Variants in DAB1 observed in about 807,000 individuals in gnomAD.
The protein encoded by DAB1 is disabled homolog 1.
DAB1 carries 15 observed loss-of-function variants against 64.6 expected under a neutral mutation model. The observed-to-expected ratio is 0.23, with a 90% CI of 0.16 to 0.36. The LOEUF (loss-of-function observed/expected upper bound fraction) is 0.36, where lower values mean the gene tolerates loss of function less well. Ranked by LOEUF, DAB1 falls within the 10% of genes least tolerant of loss-of-function variation. DAB1 has a pLI of 1.00. For synonymous variants in DAB1, 235 were observed against 251.9 expected (o/e 0.93, Z 0.64); for missense variants, 596 against 706.7 (o/e 0.84, Z 1.78).
chr1:57,355,181 T>G (rs890847913), intron 1 of DAB1, among the ~76,000 whole-genome samples: 1 of 152,034 alleles, frequency 6.6e-6, no homozygotes, highest in Non-Finnish European at 1.5e-5. Context: ...TTCCTTCTCT[T>G]TTTTCCTTTT....
chr1:57,723,905 A>C (rs1332317213), intron 6 of DAB1, among the ~76,000 whole-genome samples: 1 of 152,214 alleles, frequency 6.6e-6, no homozygotes, highest in Non-Finnish European at 1.5e-5. Flanking sequence ...TATTTCAGCT[A>C]GTAGCATTTC....
At chr1:58,026,998 C>G (rs1164366054) in intron 5 of DAB1, among the ~76,000 whole-genome samples, 1 of 152,178 alleles carries the variant, frequency 6.6e-6, no homozygotes, top group East Asian at 1.9e-4. Flanking sequence ...TGGCCCAGGC[C>G]TGGAAACTCT....
intron 7 of DAB1, among the ~76,000 whole-genome samples, chr1:57,499,909 C>T (rs1017386198): frequency 6.6e-6 from 1 of 152,210 alleles, no homozygotes; most frequent in Non-Finnish European, 1.5e-5. Context: ...TAATTCATAT[C>T]TGCATTGCCC....
chr1:58,293,545 G>A (rs1386375706), intron 4 of DAB1, among the ~76,000 whole-genome samples: 1 of 152,170 alleles, frequency 6.6e-6, no homozygotes, highest in Non-Finnish European at 1.5e-5. Flanking sequence ...AGGCTGAATT[G>A]CATCATCTTT....
intron 6 of DAB1, among the ~76,000 whole-genome samples, chr1:57,683,623 A>G (rs1646662313): frequency 6.6e-6 from 1 of 152,226 alleles, no homozygotes; most frequent in Non-Finnish European, 1.5e-5. Context: ...AAATGAATAC[A>G]ATTGACTATC....
intron 2 of DAB1, among the ~76,000 whole-genome samples, chr1:57,181,751 G>A (rs984011653): frequency 1.3e-5 from 2 of 152,188 alleles, no homozygotes; most frequent in African/African-American, 4.8e-5. Flanking sequence ...TTGAAGACAG[G>A]CAAATGTGAA....
At chr1:58,487,156 G>T (rs116618060) in intron 3 of DAB1, among the ~76,000 whole-genome samples, 1 of 152,174 alleles carries the variant, frequency 6.6e-6, no homozygotes, top group Admixed American at 6.5e-5. Context: ...AGATGATGGT[G>T]ACTTTTACTA....
chr1:58,368,918 T>C (rs976815247), intron 3 of DAB1, among the ~76,000 whole-genome samples: 3 of 152,148 alleles, frequency 2.0e-5, no homozygotes, highest in Admixed American at 2.0e-4. Context: ...TCCCAGTTAC[T>C]TGGGGGGCTG....
intron 6 of DAB1, among the ~76,000 whole-genome samples, chr1:57,707,076 AAAAC>A (rs1196156318): frequency 5.9e-5 from 9 of 152,064 alleles, no homozygotes; most frequent in South Asian, 2.1e-4. Flanking sequence ...CTCCATCTCA[AAAAC>A]AAACAAACAA....
chr1:57,744,146 T>TG (rs1363663439), intron 6 of DAB1, among the ~76,000 whole-genome samples: 2 of 152,204 alleles, frequency 1.3e-5, no homozygotes, highest in Non-Finnish European at 2.9e-5. Context: ...GGCAGGATTT[T>TG]GGGGGGCTTG....
At chr1:57,747,764 G>A (rs1056225374) in intron 6 of DAB1, among the ~76,000 whole-genome samples, 5 of 135,092 alleles carry the variant, frequency 3.7e-5, no homozygotes, top group Admixed American at 8.4e-5. Flanking sequence ...AGCCAATATC[G>A]CGTCACTGCA....
intron 5 of DAB1, among the ~76,000 whole-genome samples, chr1:58,047,080 G>A (rs563536695): frequency 6.6e-6 from 1 of 152,160 alleles, no homozygotes; most frequent in East Asian, 1.9e-4. Context: ...TATATACATA[G>A]CCTGAAAATG....
intron 4 of DAB1, among the ~76,000 whole-genome samples, chr1:58,213,602 A>G (rs1028665396): frequency 5.3e-5 from 8 of 152,122 alleles, no homozygotes; most frequent in Non-Finnish European, 1.0e-4. Context: ...CCATGATTTA[A>G]TTACCTCCCA....
intron 4 of DAB1, among the ~76,000 whole-genome samples, chr1:58,205,758 A>G (rs1352520768): frequency 6.6e-6 from 1 of 152,194 alleles, no homozygotes; most frequent in African/African-American, 2.4e-5. Context: ...ACACTGGTCC[A>G]TGAAAGTAGC....
intron 3 of DAB1, among the ~76,000 whole-genome samples, chr1:58,388,332 A>C (rs1644450009): frequency 6.6e-6 from 1 of 152,158 alleles, no homozygotes; most frequent in Admixed American, 6.5e-5. Flanking sequence ...CCATGTGACC[A>C]TTTTCAGCCA....
chr1:57,675,760 T>C (rs539540085), intron 6 of DAB1, among the ~76,000 whole-genome samples: 1 of 152,238 alleles, frequency 6.6e-6, no homozygotes, highest in Non-Finnish European at 1.5e-5. Flanking sequence ...TATATAATAA[T>C]CAGCCTTTTA....
chr1:57,661,062 G>C (rs1646380600), intron 6 of DAB1, among the ~76,000 whole-genome samples: 1 of 152,142 alleles, frequency 6.6e-6, no homozygotes. Flanking sequence ...TGCATTTGTA[G>C]AGACTAAGAA....
intron 1 of DAB1, among the ~76,000 whole-genome samples, chr1:57,310,954 C>T (rs1212453854): frequency 6.6e-6 from 1 of 151,786 alleles, no homozygotes; most frequent in Non-Finnish European, 1.5e-5. Flanking sequence ...GATGATAGTG[C>T]CACTGTACTC....
chr1:57,683,809 C>G (rs1239594294), intron 6 of DAB1, among the ~76,000 whole-genome samples: 2 of 152,140 alleles, frequency 1.3e-5, no homozygotes, highest in African/African-American at 2.4e-5. Context: ...AGTTCAGAAT[C>G]TGGATGACAA....
Sources: allele counts gnomAD v4.1 joint callset (sites outside exome capture counted in the v4.1 genomes callset), GRCh38; gene constraint gnomAD v4.1.1; transcripts MANE v1.5; gene names NCBI Gene and HGNC (gene_info 2026-07-23, HGNC 2026-07-21).